The following RALGAPA2 variants were observed in gnomAD, a reference collection of about 807,000 sequenced individuals.
The protein encoded by RALGAPA2 is ral GTPase-activating protein subunit alpha-2.
In RALGAPA2, 139 loss-of-function variants were observed where a neutral mutation model predicts 230.4. That is an observed-to-expected ratio of 0.60 (90% CI 0.53 to 0.69). RALGAPA2 has a LOEUF of 0.69. Ranked by LOEUF, RALGAPA2 falls within the 30% of genes least tolerant of loss-of-function variation. The pLI is 0.00. For missense variants in RALGAPA2, 2,163 were observed against 2,276.0 expected (o/e 0.95, Z 1.01); for synonymous variants, 847 against 837.8 (o/e 1.01, Z -0.19).
rs539992787 is a variant in RALGAPA2, at chr20:20,639,997, C to T, written c.551-97G>A. On this transcript the variant is annotated intron_variant, in intron 6 of 39. Transcript: ENST00000202677. ...ATGGTCTCTATTAAAATACATCTCTCCATCCACTGAAGCAGCTCACACTGA... is the reference window on the plus strand; with the variant it reads ...ATGGTCTCTATTAAAATACATCTCTTCATCCACTGAAGCAGCTCACACTGA... 1.7e-3 allele frequency: 1,482 copies of T among 883,524 alleles called. 25 individuals are homozygous for T. The highest frequency in any genetic ancestry group is 0.015 in the South Asian group (1,036 of 69,744). 54.7% of individuals were successfully genotyped at this position (883,524 alleles called of 1,614,324 possible).
At position 20,555,040 on chromosome 20, in the gene RALGAPA2, G is replaced by A. The variant is rs1367608234; in HGVS notation, c.3157-8208C>T. On this transcript the variant is annotated intron_variant, in intron 23 of 39. Transcript: ENST00000202677. Reference sequence around the variant, plus strand: ...AGACTTAGTCCTTTCCTTTCTAAGAGTTTTACCATTTTAGCTCTCATATTT... The same window carrying A: ...AGACTTAGTCCTTTCCTTTCTAAGAATTTTACCATTTTAGCTCTCATATTT... 2.0e-5 allele frequency among the ~76,000 whole-genome samples: 3 copies of A among 152,260 alleles called. No individual in the cohort carries two copies. The East Asian group carries it at 5.8e-4, about 29-fold the overall frequency.
chr20:20,616,389 A>C (rs900997145), intron 12 of RALGAPA2, among the ~76,000 whole-genome samples, 198 bp from the exon 13 acceptor site: 1 of 152,190 alleles, frequency 6.6e-6, no homozygotes, highest in African/African-American at 2.4e-5. Flanking sequence ...TCACTTAAAT[A>C]CAGAGACACC....
chr20:20,605,458 A>G, intron 14 of RALGAPA2, 46 bp from the exon 15 acceptor site: 1 of 1,391,800 alleles, frequency 7.2e-7, no homozygotes, highest in Non-Finnish European at 1.0e-6. Context: ...CTTCATTTGG[A>G]AAAAGCATAC....
chr20:20,483,855 TA>T (rs141077916), intron 36 of RALGAPA2, among the ~76,000 whole-genome samples: 1,526 of 152,150 alleles, frequency 0.01, 21 homozygotes, highest in African/African-American at 0.035. Context: ...AATGAGAGGC[TA>T]AAAGGGGAAA....
Position 20,712,448 on chromosome 20 carries a change from C to T in RALGAPA2, c.33G>A (p.Lys11=). The change falls in exon 1 of 40, where the codon AAG becomes AAA. Residue 11 remains lysine (K), a synonymous_variant. Coordinates refer to ENST00000202677, the MANE Select transcript of RALGAPA2 (RefSeq NM_020343.4). This position sits in a 1 kb window ranked among gnomAD's most constrained non-coding sequence, Gnocchi z 5.5. MFSRRSHGDV[K]KSTQKVLDPK... ...GGTCCAGCACCTTCTGGGTGGACTT[C>T]TTCACATCCCCGTGGCTCCTTCGGG... The T allele has an allele frequency of 6.4e-7, 1 of 1,554,518 alleles. No homozygotes were observed. The highest frequency in any genetic ancestry group is 8.7e-7 in the Non-Finnish European group (1 of 1,148,576).
chr20:20,602,603 C>G (rs957534454), intron 15 of RALGAPA2, among the ~76,000 whole-genome samples: 5 of 152,152 alleles, frequency 3.3e-5, no homozygotes, highest in Non-Finnish European at 5.9e-5. Flanking sequence ...AGTAGTCTAG[C>G]CCTTAGAAGG....
intron 9 of RALGAPA2, among the ~76,000 whole-genome samples, chr20:20,634,425 C>CT (rs1475049525): frequency 2.6e-5 from 4 of 152,120 alleles, no homozygotes; most frequent in Non-Finnish European, 4.4e-5. Flanking sequence ...TTCAGCAAGT[C>CT]TTTCATTGTT....
chr20:20,624,328 CAAAAA>C (rs748683871), intron 10 of RALGAPA2, among the ~76,000 whole-genome samples: 3 of 49,162 alleles, frequency 6.1e-5, no homozygotes, highest in African/African-American at 1.4e-4. Flanking sequence ...ACTCCATCTC[CAAAAA>C]AAAAAAAAAA....
intron 24 of RALGAPA2, 53 bp downstream of exon 24, chr20:20,546,651 T>A: frequency 6.6e-7 from 1 of 1,517,826 alleles, no homozygotes; most frequent in Non-Finnish European, 8.8e-7. Context: ...TGAACCTTGT[T>A]AGCGATTGTG....
intron 24 of RALGAPA2, among the ~76,000 whole-genome samples, chr20:20,544,197 G>T (rs6112933): frequency 6.6e-6 from 1 of 152,026 alleles, no homozygotes. Context: ...CCAGGCAAGA[G>T]GATCACGAGA....
chr20:20,505,819 G>T lies in RALGAPA2; in HGVS notation c.4929-285C>A, dbSNP rs542848415. Among the ~76,000 whole-genome samples, 3 of 152,290 alleles carry T rather than the reference G, an allele frequency of 2.0e-5. No homozygotes were observed. The South Asian group carries it at 6.2e-4, about 32-fold the overall frequency. On this transcript the variant is annotated intron_variant, in intron 33 of 39. Coordinates refer to ENST00000202677, the MANE Select transcript of RALGAPA2 (RefSeq NM_020343.4). ...CAGCAAGCTGGGGATGGGAACTGTC[G>T]CAAGGCCATCTGCTTCCTGAGACCA...
At chr20:20,707,008 C>T (rs1405908171) in intron 1 of RALGAPA2, among the ~76,000 whole-genome samples, 1 of 152,130 alleles carries the variant, frequency 6.6e-6, no homozygotes, top group Non-Finnish European at 1.5e-5. Flanking sequence ...TCCCATGTCC[C>T]ACAACCCCCC....
rs1054775947 is a variant in RALGAPA2, at chr20:20,545,106, T to C, written c.3285+1598A>G. ...TGAAAGATGATGTGAATGGTTAAAATACATTTGAAAATTCTTTGAGATTAT... is the reference window on the plus strand; with the variant it reads ...TGAAAGATGATGTGAATGGTTAAAACACATTTGAAAATTCTTTGAGATTAT... On this transcript the variant is annotated intron_variant, in intron 24 of 39. Coordinates refer to ENST00000202677, the MANE Select transcript of RALGAPA2 (RefSeq NM_020343.4). Among the ~76,000 whole-genome samples the C allele has an allele frequency of 2.2e-4, 33 of 152,226 alleles. 1 individual carries two copies. The highest frequency in any genetic ancestry group is 7.5e-4 in the African/African-American group (31 of 41,456).
chr20:20,642,034 A>G (rs1229838288), intron 5 of RALGAPA2, among the ~76,000 whole-genome samples: 1 of 147,014 alleles, frequency 6.8e-6, no homozygotes, highest in African/African-American at 2.5e-5. Context: ...CTCCATGCCC[A>G]CTCACACCTG....
intron 33 of RALGAPA2, 119 bp from the exon 34 acceptor site, chr20:20,505,653 G>A: frequency 1.2e-6 from 1 of 850,920 alleles, no homozygotes; most frequent in South Asian, 2.0e-5. Context: ...GAACCTGCTA[G>A]AGGTCAGTCA....
chr20:20,569,229 G>C (rs6112938), intron 23 of RALGAPA2, among the ~76,000 whole-genome samples: 1 of 152,086 alleles, frequency 6.6e-6, no homozygotes, highest in South Asian at 2.1e-4. Context: ...TCTTTCATTA[G>C]GTCTTCTGCG....
At chr20:20,696,687 G>T (rs2069124598) in intron 1 of RALGAPA2, among the ~76,000 whole-genome samples, 1 of 150,996 alleles carries the variant, frequency 6.6e-6, no homozygotes, top group Admixed American at 6.6e-5. Context: ...TTATGACTCA[G>T]ATCCTGGTAC....
At chr20:20,704,571 A>G (rs1031442169) in intron 1 of RALGAPA2, among the ~76,000 whole-genome samples, 3 of 152,180 alleles carry the variant, frequency 2.0e-5, no homozygotes, top group African/African-American at 7.2e-5. Context: ...ATTCCCTCTG[A>G]GAGTAGGATT....
Position 20,619,275 on chromosome 20 carries a change from A to T in RALGAPA2, c.1539+2T>A. On this transcript the variant is annotated splice_donor_variant, in intron 12 of 39. Transcript: ENST00000202677. LOFTEE classifies it high-confidence loss of function. ...GTCTTCATGTCCTGGCCAGCCACAT[A>T]CCTGCAACAAAGCCTGGACGCCGGC... 1.3e-6 allele frequency: 2 copies of T among 1,596,318 alleles called. No homozygotes were observed. The highest frequency in any genetic ancestry group is 1.7e-6 in the Non-Finnish European group (2 of 1,169,140).
Sources: gnomAD v4.1 joint callset for allele counts (sites outside exome capture counted in the v4.1 genomes callset) on GRCh38, gnomAD v4.1.1 for gene constraint, Gnocchi (gnomAD v3.1) non-coding constraint, MANE v1.5 for transcripts, NCBI Gene and HGNC (gene_info 2026-07-23, HGNC 2026-07-21) for gene names.